The following CORO1C variants were observed in gnomAD, a reference collection of about 807,000 sequenced individuals.
CORO1C encodes coronin 1C, also known as coronin-1C.
CORO1C carries 14 observed loss-of-function variants against 51.2 expected under a neutral mutation model. The observed-to-expected ratio is 0.27, with a 90% CI of 0.18 to 0.43. The LOEUF (loss-of-function observed/expected upper bound fraction) is 0.43, where lower values mean the gene tolerates loss of function less well. Ranked by LOEUF, CORO1C falls within the 20% of genes least tolerant of loss-of-function variation. The probability of loss-of-function intolerance (pLI) is 1.00; values close to 1 mark genes in which losing one functional copy is unlikely to be tolerated. For synonymous variants in CORO1C, 181 were observed against 210.5 expected, an observed-to-expected ratio of 0.86 and a Z score of 1.21; for missense variants, 417 against 607.8, an observed-to-expected ratio of 0.69 and a Z score of 3.30.
chr12:108,728,712 AG>A (rs755281758), intron 1 of CORO1C, among the ~76,000 whole-genome samples: 10 of 152,244 alleles, frequency 6.6e-5, no homozygotes, highest in Admixed American at 4.6e-4. Flanking sequence ...GATCTGAACT[AG>A]GGCAAAGAAA....
At chr12:108,691,639 G>A (rs114923629) in intron 2 of CORO1C, among the ~76,000 whole-genome samples, 4 of 152,270 alleles carry the variant, frequency 2.6e-5, no homozygotes, top group African/African-American at 7.2e-5. Context: ...TGAGCCACCC[G>A]TGCAGCCAAT....
chr12:108,654,450 T>C (rs763723869), intron 6 of CORO1C, 40 bp from the exon 7 acceptor site: 29 of 1,142,132 alleles, frequency 2.5e-5, no homozygotes, highest in East Asian at 4.8e-5. Context: ...TGTGTATGTA[T>C]ACATTTTTTT....
At chr12:108,715,906 G>A (rs1844138577) in intron 1 of CORO1C, among the ~76,000 whole-genome samples, 2 of 151,816 alleles carry the variant, frequency 1.3e-5, no homozygotes, top group African/African-American at 4.8e-5. Flanking sequence ...GGCCGAGGCG[G>A]GTGGATCACA....
chr12:108,700,754 T>A (rs1226072605), intron 2 of CORO1C, among the ~76,000 whole-genome samples: 1 of 152,210 alleles, frequency 6.6e-6, no homozygotes, highest in African/African-American at 2.4e-5. Context: ...AAAATGTAAC[T>A]GTTTTTAAAA....
chr12:108,698,237 C>T (rs940543026), intron 2 of CORO1C, among the ~76,000 whole-genome samples: 2 of 152,160 alleles, frequency 1.3e-5, no homozygotes, highest in Admixed American at 6.5e-5. Flanking sequence ...AGTAAAAAGG[C>T]ATCTACTTGC....
chr12:108,662,862 G>C (rs1284722861), intron 3 of CORO1C, among the ~76,000 whole-genome samples: 1 of 151,998 alleles, frequency 6.6e-6, no homozygotes, highest in Non-Finnish European at 1.5e-5. Flanking sequence ...GTGCTTCAAA[G>C]GACACTATGA....
At chr12:108,683,919 T>C (rs772863022) in intron 2 of CORO1C, among the ~76,000 whole-genome samples, 11 of 152,272 alleles carry the variant, frequency 7.2e-5, no homozygotes, top group Admixed American at 3.3e-4. Context: ...AACACCTTGA[T>C]ACAAAGGACA....
chr12:108,681,487 A>G (rs1037675403), intron 2 of CORO1C, among the ~76,000 whole-genome samples: 1 of 152,260 alleles, frequency 6.6e-6, no homozygotes, highest in Non-Finnish European at 1.5e-5. Context: ...ACCTACTGAC[A>G]GAGTAATTAG....
intron 2 of CORO1C, among the ~76,000 whole-genome samples, chr12:108,691,579 T>G (rs2034495998): frequency 6.6e-6 from 1 of 152,228 alleles, no homozygotes; most frequent in Non-Finnish European, 1.5e-5. Context: ...TTCTTTGCAC[T>G]TGACTCAGTG....
At chr12:108,648,479 T>C (rs904052741) in intron 10 of CORO1C, 126 bp downstream of exon 10, 14 of 1,320,756 alleles carry the variant, frequency 1.1e-5, no homozygotes, top group Non-Finnish European at 1.5e-5. Flanking sequence ...TCTCCCACTT[T>C]TTCATTTACT....
chr12:108,718,657 C>T lies in CORO1C; in HGVS notation c.-6+12772G>A, dbSNP rs539754966. On this transcript the variant is annotated intron_variant, in intron 1 of 10. Coordinates refer to ENST00000261401, the MANE Select transcript of CORO1C (RefSeq NM_014325.4). ...ATCCTATAGAAATAGGAAAGTATAG[C>T]GCTTACAATCTTACTGCACCTTAGG... Among the ~76,000 whole-genome samples, 22 of 152,252 alleles carry T rather than the reference C, an allele frequency of 1.4e-4. 1 individual carries two copies. Among genetic ancestry groups the T allele is most frequent in the Admixed American group, 2.6e-4 (4 of 15,286 alleles).
chr12:108,683,106 A>G (rs968068230), intron 2 of CORO1C, among the ~76,000 whole-genome samples: 1 of 152,204 alleles, frequency 6.6e-6, no homozygotes, highest in African/African-American at 2.4e-5. Flanking sequence ...TGAACAGAGT[A>G]CATCCAAAGA....
chr12:108,658,801 G>A lies in CORO1C; in HGVS notation c.567C>T (p.Ile189=), dbSNP rs149062887. The A allele has an allele frequency of 6.2e-7, 1 of 1,613,898 alleles. No individual in the cohort carries two copies. The highest frequency in any genetic ancestry group is 8.5e-7 in the Non-Finnish European group (1 of 1,179,776). The change falls in exon 5 of 11, where the codon ATC becomes ATT. Residue 189 remains isoleucine (I), a synonymous_variant. Transcript: ENST00000261401. The surrounding 1 kb of genome is among the most constrained non-coding windows in gnomAD (Gnocchi z 4.9). The stretch of plus-strand genomic sequence containing the variant: ...CTTTCTTGTCTTTGGAAGCTGTGCA[G>A]ATCAGACTGCCATTCCGGTTCCAGC... ...NVSWNRNGSL[I]CTASKDKKVR...
chr12:108,655,325 C>G (rs1386341935), intron 6 of CORO1C, among the ~76,000 whole-genome samples: 1 of 152,084 alleles, frequency 6.6e-6, no homozygotes, highest in Non-Finnish European at 1.5e-5. Flanking sequence ...ATTCTTCATT[C>G]TTTTTAAAAA....
Position 108,728,739 on chromosome 12 carries a change from A to G in CORO1C, c.-6+2690T>C, listed in dbSNP as rs150953637. ...GGCAAAGAAAACCCAGAGAGATTCTATTACTTAACATTCTAGGTACTAGGT... is the reference window on the plus strand; with the variant it reads ...GGCAAAGAAAACCCAGAGAGATTCTGTTACTTAACATTCTAGGTACTAGGT... On this transcript the variant is annotated intron_variant, in intron 1 of 10. Transcript: ENST00000261401. Among the ~76,000 whole-genome samples the G allele has an allele frequency of 5.8e-3, 889 of 152,356 alleles. 10 individuals carry two copies. Among genetic ancestry groups the G allele is most frequent in the African/African-American group, 0.02 (843 of 41,592 alleles).
At chr12:108,712,275 C>T (rs1449895874) in intron 1 of CORO1C, among the ~76,000 whole-genome samples, 1 of 152,038 alleles carries the variant, frequency 6.6e-6, no homozygotes, top group Non-Finnish European at 1.5e-5. Flanking sequence ...TAAAAAATTC[C>T]TTTTAAGAAG....
chr12:108,701,295 G>A lies in CORO1C; in HGVS notation c.24C>T (p.Ser8=). ...CTTGCCCAAATACATGCCGAAACTT[G>A]CTCTGTCGTACCACTCGCCTCATCG... MRRVVRQ[S]KFRHVFGQAV... is the part of the protein sequence containing the mutation. Residue 8 remains serine (S), a synonymous_variant, in exon 2 of 11, where the codon AGC becomes AGT. Coordinates refer to ENST00000261401, the MANE Select transcript of CORO1C (RefSeq NM_014325.4). 1 of 1,614,162 alleles carries A rather than the reference G, an allele frequency of 6.2e-7. No individual in the cohort carries two copies. The highest frequency in any genetic ancestry group is 8.5e-7 in the Non-Finnish European group (1 of 1,180,032).
intron 1 of CORO1C, among the ~76,000 whole-genome samples, chr12:108,720,198 A>T (rs895060918): frequency 2.0e-5 from 3 of 152,118 alleles, no homozygotes; most frequent in Non-Finnish European, 4.4e-5. Flanking sequence ...ACACTCATAC[A>T]GACACACACA....
Position 108,645,831 on chromosome 12 carries a change from T to C in CORO1C, c.*1572A>G, listed in dbSNP as rs538340244. ...CGTGGTCCCAATGGCACTACACATTTCACGTTCAATCACAGACAGCCCTTC... is the reference window on the plus strand; with the variant it reads ...CGTGGTCCCAATGGCACTACACATTCCACGTTCAATCACAGACAGCCCTTC... On this transcript the variant is annotated 3_prime_UTR_variant, in exon 11 of 11. Coordinates refer to ENST00000261401, the MANE Select transcript of CORO1C (RefSeq NM_014325.4). 171 of 152,322 alleles carry C rather than the reference T, an allele frequency of 1.1e-3. 2 individuals are homozygous for C. The highest frequency in any genetic ancestry group is 3.7e-3 in the African/African-American group (155 of 41,556). The allele number at this position is 152,322 out of a possible 1,614,324, so 9.4% of individuals were successfully genotyped here.
Sources: allele counts gnomAD v4.1 joint callset (sites outside exome capture counted in the v4.1 genomes callset), GRCh38; gene constraint gnomAD v4.1.1; non-coding constraint Gnocchi (gnomAD v3.1); transcripts MANE v1.5; gene names NCBI Gene and HGNC (gene_info 2026-07-23, HGNC 2026-07-21).